The following XIST variants were observed in gnomAD, a reference collection of about 807,000 sequenced individuals.
The protein encoded by XIST is X inactive specific transcript (non-protein coding).
chrX:73,829,790 C>CAAAAAA (rs752287639), intron 4 of XIST, among the ~76,000 whole-genome samples: 27 of 24,230 alleles, frequency 1.1e-3, no homozygotes, highest in Non-Finnish European at 2.2e-3. Context: ...AACTCCATCT[C>CAAAAAA]AAAAAAAAAA....
chrX:73,825,753 C>T, exon 6 of XIST: 1 of 515,785 alleles, frequency 1.9e-6, no homozygotes, highest in Admixed American at 2.6e-5. Flanking sequence ...TAATGCTTCA[C>T]AATTTACACT....
At chrX:73,839,393 G>A (rs1922546091) in intron 1 of XIST, among the ~76,000 whole-genome samples, 1 of 111,537 alleles carries the variant, frequency 9.0e-6, no homozygotes, top group African/African-American at 3.3e-5. Context: ...TCCTTCATTA[G>A]ACTTTTGAAA....
exon 6 of XIST, chrX:73,823,054 C>CT (rs755255238): frequency 2.9e-5 from 16 of 551,072 alleles, no homozygotes; most frequent in African/African-American, 2.0e-4. Flanking sequence ...GCAAAAGAAT[C>CT]TTTTTTTTAT....
exon 6 of XIST, chrX:73,822,489 C>T (rs757314096): frequency 1.9e-6 from 1 of 513,550 alleles, no homozygotes; most frequent in Non-Finnish European, 3.5e-6. Flanking sequence ...TATTGGCACC[C>T]GAATATATTT....
exon 1 of XIST, chrX:73,850,910 C>T: frequency 1.8e-6 from 1 of 555,358 alleles, no homozygotes; most frequent in Non-Finnish European, 3.3e-6. Context: ...GGTGGAAAGG[C>T]TAAATGTCCT....
exon 1 of XIST, chrX:73,848,728 T>C: frequency 1.8e-6 from 1 of 558,415 alleles, no homozygotes; most frequent in Non-Finnish European, 3.2e-6. Flanking sequence ...GAACCATGAA[T>C]ATATGCAATT....
At position 73,838,575 on chromosome X, in the gene XIST, A is replaced by G. The variant is rs149009100; in HGVS notation, n.11343-1072T>C. 7.4e-3 allele frequency among the ~76,000 whole-genome samples: 821 copies of G among 111,567 alleles called. 8 individuals are homozygous for G. Among genetic ancestry groups the G allele is most frequent in the African/African-American group, 0.026 (793 of 30,808 alleles). On this transcript the variant is annotated intron_variant and non_coding_transcript_variant, in intron 1 of 5. Coordinates refer to ENST00000429829, the Ensembl canonical transcript of XIST. ...CTTCTTTACCAAACTCATTTGTATA[A>G]GATGCAGAAGAAGCCCAAGCTCCAT... is the stretch of plus-strand genomic sequence containing the variant.
exon 1 of XIST, chrX:73,847,045 T>C (rs748457638): frequency 3.6e-6 from 2 of 559,185 alleles, no homozygotes; most frequent in Admixed American, 4.4e-5. Flanking sequence ...ACTGAAAATG[T>C]GTATATAACA....
exon 1 of XIST, chrX:73,842,631 T>A (rs375676203): frequency 2.3e-5 from 13 of 556,503 alleles, no homozygotes; most frequent in Non-Finnish European, 3.2e-6. Context: ...GTACTGTGTT[T>A]ATTAATAACA....
At chrX:73,825,641 CGTT>C in exon 6 of XIST, 1 of 513,131 alleles carries the variant, frequency 1.9e-6, no homozygotes, top group Non-Finnish European at 3.5e-6. Context: ...CTTATAAAAA[CGTT>C]GTTTAAAAAA....
Position 73,847,303 on chromosome X carries a change from C to T in XIST, n.5421G>A, listed in dbSNP as rs184994222. The T allele has an allele frequency of 1.2e-4, 67 of 541,929 alleles. No individual in the cohort carries two copies. The Admixed American group carries it at 1.3e-3, about 10-fold the overall frequency. 44.7% of individuals were successfully genotyped at this position (541,929 alleles called of 1,213,427 possible). ...GGCACATCAACTACTGCTAATTATG[C>T]GCATTTAAGCAGTATAAGAGAAGAA... On this transcript the variant is annotated non_coding_transcript_exon_variant, in exon 1 of 6. Transcript: ENST00000429829.
exon 5 of XIST, chrX:73,829,074 C>T (rs1922325106): frequency 3.6e-6 from 2 of 555,329 alleles, no homozygotes; most frequent in African/African-American, 2.2e-5. Flanking sequence ...TTACTTCATT[C>T]AGCTATCCTC....
chrX:73,826,170 T>A, exon 6 of XIST: 1 of 559,175 alleles, frequency 1.8e-6, no homozygotes. Context: ...GTCTGGCACA[T>A]CTGTGTATTT....
chrX:73,823,397 A>G (rs1340118933), exon 6 of XIST: 1 of 512,469 alleles, frequency 2.0e-6, no homozygotes, highest in Non-Finnish European at 3.5e-6. Context: ...TACCTTGCAG[A>G]GAATAGGCAT....
exon 1 of XIST, chrX:73,846,255 A>G (rs1442647893): frequency 1.8e-6 from 1 of 557,408 alleles, no homozygotes; most frequent in Non-Finnish European, 3.2e-6. Flanking sequence ...TTTTATTCAG[A>G]TAGGTTGAGC....
chrX:73,847,268 C>CT (rs757164931), exon 1 of XIST: 1 of 556,248 alleles, frequency 1.8e-6, no homozygotes, highest in Non-Finnish European at 3.2e-6. Flanking sequence ...GGATTCTACT[C>CT]TAACATAGGG....
exon 6 of XIST, chrX:73,824,557 T>A: frequency 1.8e-6 from 1 of 553,345 alleles, no homozygotes; most frequent in Non-Finnish European, 3.3e-6. Context: ...TTGGTTTGTA[T>A]AACTACTTAT....
exon 6 of XIST, chrX:73,825,291 T>C (rs1355485506): frequency 1.8e-6 from 1 of 557,862 alleles, no homozygotes; most frequent in Admixed American, 2.2e-5. Context: ...AATATACATA[T>C]AATTTATTCA....
chrX:73,821,625 C>CAGAACAA, exon 6 of XIST: 1 of 556,348 alleles, frequency 1.8e-6, no homozygotes, highest in Non-Finnish European at 3.2e-6. Flanking sequence ...AAGACCAATT[C>CAGAACAA]AGAACAAAGG....
Sources: allele counts gnomAD v4.1 joint callset (sites outside exome capture counted in the v4.1 genomes callset), GRCh38; gene constraint gnomAD v4.1.1; transcripts MANE v1.5; gene names NCBI Gene and HGNC (gene_info 2026-07-23, HGNC 2026-07-21).